Variants in SPMIP4 observed in about 807,000 individuals in gnomAD.
SPMIP4 encodes sperm-associated microtubule inner protein 4.
chr7:25,154,940 C>G, the SPMIP4 span: 1 of 1,441,440 alleles, frequency 6.9e-7, no homozygotes, highest in Non-Finnish European at 9.5e-7. Flanking sequence ...GTGCTCCTTG[C>G]TTTAATTTTA....
chr7:25,150,410 A>T, the SPMIP4 span, among the ~76,000 whole-genome samples: 1 of 152,178 alleles, frequency 6.6e-6, no homozygotes, highest in East Asian at 1.9e-4. Context: ...ATTTAACTAT[A>T]AAAAAACAAA....
chr7:25,159,199 G>T, the SPMIP4 span, among the ~76,000 whole-genome samples: 2 of 152,196 alleles, frequency 1.3e-5, no homozygotes, highest in African/African-American at 4.8e-5. Flanking sequence ...CTAAAGTGAC[G>T]CGAGTGTGGC....
At chr7:25,178,329 G>C in the SPMIP4 span, among the ~76,000 whole-genome samples, 1 of 152,284 alleles carries the variant, frequency 6.6e-6, no homozygotes, top group East Asian at 1.9e-4. Context: ...CAACTTATAA[G>C]AACAACTTAG....
the SPMIP4 span, among the ~76,000 whole-genome samples, chr7:25,140,749 G>A: frequency 1.3e-5 from 2 of 149,766 alleles, no homozygotes; most frequent in Non-Finnish European, 1.5e-5. Flanking sequence ...CACCACGCCC[G>A]GCTAATTTTT....
the SPMIP4 span, among the ~76,000 whole-genome samples, chr7:25,137,442 C>T: frequency 1.3e-5 from 2 of 151,740 alleles, no homozygotes; most frequent in East Asian, 1.9e-4. Flanking sequence ...AATTTGCTAG[C>T]GCTGCCATAA....
At chr7:25,175,668 C>G in the SPMIP4 span, among the ~76,000 whole-genome samples, 1 of 152,236 alleles carries the variant, frequency 6.6e-6, no homozygotes, top group South Asian at 2.1e-4. Context: ...CTAGGGCTCA[C>G]GTTCACCCTT....
At chr7:25,143,039 C>G in the SPMIP4 span, among the ~76,000 whole-genome samples, 1 of 152,052 alleles carries the variant, frequency 6.6e-6, no homozygotes, top group Non-Finnish European at 1.5e-5. Flanking sequence ...TTCTAAAAGT[C>G]TTTTGCCTTA....
the SPMIP4 span, among the ~76,000 whole-genome samples, chr7:25,145,884 T>C: frequency 1.3e-5 from 2 of 152,164 alleles, no homozygotes; most frequent in South Asian, 2.1e-4. Context: ...TAAAATAACA[T>C]GGTTGTAATA....
the SPMIP4 span, among the ~76,000 whole-genome samples, chr7:25,167,547 T>C: frequency 6.6e-6 from 1 of 152,258 alleles, no homozygotes; most frequent in African/African-American, 2.4e-5. Flanking sequence ...ATTGCTTTTC[T>C]GAGGCTTTGA....
chr7:25,170,574 C>G, the SPMIP4 span, among the ~76,000 whole-genome samples: 1 of 152,114 alleles, frequency 6.6e-6, no homozygotes, highest in Admixed American at 6.5e-5. Context: ...ATTGCTTGTG[C>G]TTTTGGAGTC....
chr7:25,166,312 G>A, the SPMIP4 span, among the ~76,000 whole-genome samples: 1 of 147,592 alleles, frequency 6.8e-6, no homozygotes, highest in Non-Finnish European at 1.5e-5. Context: ...GGATTGCCGG[G>A]CGTGGTGGCT....
At chr7:25,160,324 GT>G in the SPMIP4 span, among the ~76,000 whole-genome samples, 1 of 76,450 alleles carries the variant, frequency 1.3e-5, no homozygotes, top group African/African-American at 2.9e-5. Flanking sequence ...TTGAGATGGA[GT>G]TTTGCTCTTG....
chr7:25,132,419 C>T, the SPMIP4 span, among the ~76,000 whole-genome samples: 1 of 152,160 alleles, frequency 6.6e-6, no homozygotes, highest in African/African-American at 2.4e-5. This position sits in a 1 kb window ranked among gnomAD's most constrained non-coding sequence, Gnocchi z 5.0. Context: ...ATTGACAATG[C>T]TAAGTACTTT....
chr7:25,145,664 AAAG>A, the SPMIP4 span, among the ~76,000 whole-genome samples: 11 of 152,240 alleles, frequency 7.2e-5, no homozygotes, highest in African/African-American at 2.7e-4. Context: ...TCCAGTCTAC[AAAG>A]AAGTGACATT....
chr7:25,158,447 A>AT, the SPMIP4 span: 1 of 1,352,796 alleles, frequency 7.4e-7, no homozygotes. Context: ...AGGAAATGTC[A>AT]ATTTTTTTTT....
chr7:25,135,955 AG>A, the SPMIP4 span: 11 of 1,561,430 alleles, frequency 7.0e-6, no homozygotes, highest in Non-Finnish European at 9.5e-6. Flanking sequence ...TGGGTTTTGA[AG>A]GGAAGAATGA....
chr7:25,151,588 A>G, the SPMIP4 span: 1 of 1,539,032 alleles, frequency 6.5e-7, no homozygotes, highest in Non-Finnish European at 8.9e-7. Flanking sequence ...ATTTAAAAAG[A>G]TACTTACATC....
At chr7:25,150,081 G>A in the SPMIP4 span, among the ~76,000 whole-genome samples, 3 of 152,172 alleles carry the variant, frequency 2.0e-5, no homozygotes, top group South Asian at 2.1e-4. Flanking sequence ...GGAACCAGTG[G>A]GTGGGGCCAG....
the SPMIP4 span, chr7:25,135,401 CTTTACATG>C: frequency 1.0e-6 from 1 of 985,384 alleles, no homozygotes; most frequent in Non-Finnish European, 1.2e-6. Context: ...GACTTATTTT[CTTTACATG>C]TTTACATAAA....
Sources: allele counts gnomAD v4.1 joint callset (sites outside exome capture counted in the v4.1 genomes callset), GRCh38; gene constraint gnomAD v4.1.1; non-coding constraint Gnocchi (gnomAD v3.1); transcripts MANE v1.5; gene names NCBI Gene and HGNC (gene_info 2026-07-23, HGNC 2026-07-21).